The following GPR155 variants were observed in gnomAD, a reference collection of about 807,000 sequenced individuals.
The protein encoded by GPR155 is G protein-coupled receptor 155, also known as lysosomal cholesterol signaling protein.
Under a neutral mutation model 93.1 loss-of-function variants are expected in GPR155, and 65 were observed. The observed-to-expected ratio is 0.70, with a 90% CI of 0.57 to 0.86. The LOEUF (loss-of-function observed/expected upper bound fraction) is 0.86, where lower values mean the gene tolerates loss of function less well. Among genes scored for constraint, GPR155 ranks in the 40% least tolerant of loss-of-function variants. The probability of loss-of-function intolerance (pLI) is 0.00; values close to 1 mark genes in which losing one functional copy is unlikely to be tolerated. For synonymous variants in GPR155, 319 were observed against 360.1 expected (o/e 0.89, Z 1.29); for missense variants, 838 against 1,034.8 (o/e 0.81, Z 2.61).
chr2:174,483,570 C>A (rs1688390800), intron 1 of GPR155, among the ~76,000 whole-genome samples: 1 of 151,990 alleles, frequency 6.6e-6, no homozygotes, highest in South Asian at 2.1e-4. Context: ...ATTAAAATGA[C>A]GACAATTGCC....
rs114670533 is a variant in GPR155 at position 174,473,037 on chromosome 2, G to A, written c.788C>T (p.Thr263Met). The change falls in exon 3 of 16, where the codon ACG (threonine) becomes ATG (methionine). Residue 263 changes from threonine to methionine, a missense_variant. This residue lies in a region of GPR155 where 663 missense variants were observed against 790.1 expected (regional missense o/e 0.84). Transcript: ENST00000392552. ...CAGTCTCTTTATTTTTCCCACCATC[G>A]TGAGACCAAGATAAAATAGGGCTGA... Reference protein sequence around the residue: ...SGSALFYLGLTMVGKIKRLKK... With the variant: ...SGSALFYLGLMMVGKIKRLKK... 696 of 1,595,428 alleles carry A rather than the reference G, an allele frequency of 4.4e-4. 1 individual carries two copies. In the African/African-American group the frequency reaches 7.7e-3, roughly 18 times the overall value.
At chr2:174,483,044 C>A (rs1256662732) in intron 1 of GPR155, 1 of 152,184 alleles carries the variant, frequency 6.6e-6, no homozygotes, top group Non-Finnish European at 1.5e-5. Flanking sequence ...CACACACTGG[C>A]CCCAGGGACT....
At chr2:174,436,876 C>T (rs895332680) in intron 15 of GPR155, among the ~76,000 whole-genome samples, 1 of 152,128 alleles carries the variant, frequency 6.6e-6, no homozygotes, top group African/African-American at 2.4e-5. Flanking sequence ...TTTTTAGCTC[C>T]ATATACATCA....
At chr2:174,455,678 T>C (rs1487250118) in intron 10 of GPR155, among the ~76,000 whole-genome samples, 1 of 152,146 alleles carries the variant, frequency 6.6e-6, no homozygotes, top group African/African-American at 2.4e-5. Flanking sequence ...ACGCCCTGAA[T>C]GGCTAATTCA....
chr2:174,450,357 A>C (rs775908122), intron 11 of GPR155, among the ~76,000 whole-genome samples: 1 of 152,060 alleles, frequency 6.6e-6, no homozygotes, highest in Non-Finnish European at 1.5e-5. Flanking sequence ...GGGCTAAAAA[A>C]CTACTGGGTA....
chr2:174,451,195 TC>T (rs1414477382), intron 11 of GPR155, among the ~76,000 whole-genome samples: 1 of 151,846 alleles, frequency 6.6e-6, no homozygotes, highest in East Asian at 1.9e-4. Context: ...GTGCCTGTAA[TC>T]CCAGCTACTT....
intron 2 of GPR155, among the ~76,000 whole-genome samples, chr2:174,480,209 C>T (rs925835309): frequency 1.3e-5 from 2 of 152,144 alleles, no homozygotes; most frequent in African/African-American, 4.8e-5. Context: ...ACCACCCTAC[C>T]TCAAATAGCA....
At chr2:174,484,742 C>A (rs1038980020) in intron 1 of GPR155, among the ~76,000 whole-genome samples, 2 of 152,160 alleles carry the variant, frequency 1.3e-5, no homozygotes, top group Non-Finnish European at 1.5e-5. Context: ...ACCAGCCTGG[C>A]CAACATGGCA....
At chr2:174,471,460 C>A (rs1687996565) in intron 3 of GPR155, among the ~76,000 whole-genome samples, 5 of 73,510 alleles carry the variant, frequency 6.8e-5, no homozygotes, top group South Asian at 6.8e-4. Flanking sequence ...AGTAGCTCTT[C>A]ATCTTTGTAA....
rs1019890675 is a variant in GPR155, at chr2:174,434,770, T to C, written c.*1346A>G. On this transcript the variant is annotated 3_prime_UTR_variant, in exon 16 of 16. Transcript: ENST00000392552. ...ACAGGCATGCACTACCACACCTGGGTATTCTTTTTTCTTTTTCTTTTTCTT... is the reference window on the plus strand; with the variant it reads ...ACAGGCATGCACTACCACACCTGGGCATTCTTTTTTCTTTTTCTTTTTCTT... 6.8e-6 allele frequency: 1 copy of C among 146,588 alleles called. No individual in the cohort carries two copies. Among genetic ancestry groups the C allele is most frequent in the Admixed American group, 6.9e-5 (1 of 14,396 alleles). 9.1% of individuals were successfully genotyped at this position (146,588 alleles called of 1,614,324 possible). A position where few individuals can be genotyped will look rare whatever the true frequency, so the allele number is the denominator to read the frequency against.
rs1688324570 is a variant in GPR155, at chr2:174,481,656, A to G, written c.301T>C (p.Ser101Pro). The G allele has an allele frequency of 6.2e-7, 1 of 1,613,868 alleles. No homozygotes were observed. Among genetic ancestry groups the G allele is most frequent in the Non-Finnish European group, 8.5e-7 (1 of 1,179,862 alleles). The change falls in exon 2 of 16, where the codon TCC becomes CCC. Residue 101 changes from serine (S) to proline (P), a missense_variant. Around this residue, in one of 3 missense-constraint regions of GPR155, gnomAD observed 663 missense variants for 790.1 expected, o/e 0.84. Coordinates refer to ENST00000392552, the MANE Select transcript of GPR155 (RefSeq NM_152529.7). Reference protein sequence around the residue: ...VVLNFSNVDWSFLYSILIAKA... With the variant: ...VVLNFSNVDWPFLYSILIAKA... ...GCAATTAAGATACTATATAGGAAGG[A>G]CCAGTCCACATTGGAAAAATTAAGT...
At chr2:174,450,621 C>T (rs1036201591) in intron 11 of GPR155, among the ~76,000 whole-genome samples, 3 of 152,202 alleles carry the variant, frequency 2.0e-5, no homozygotes, top group African/African-American at 7.2e-5. Flanking sequence ...GGACTTTTCA[C>T]AGGAAGCCTT....
Position 174,435,685 on chromosome 2 carries a change from G to C in GPR155, c.*431C>G, listed in dbSNP as rs1189752118. ...GACGGGGTTTCGCCATGTTGGCCAG[G>C]CTGGTCTTGAACTCCTGACCTCAGG... is the stretch of plus-strand genomic sequence containing the variant. On this transcript the variant is annotated 3_prime_UTR_variant, in exon 16 of 16. Coordinates refer to ENST00000392552, the MANE Select transcript of GPR155 (RefSeq NM_152529.7). 2 of 154,026 alleles carry C rather than the reference G, an allele frequency of 1.3e-5. No homozygotes were observed. The allele number at this position is 154,026 out of a possible 1,614,324, so 9.5% of individuals were successfully genotyped here.
chr2:174,441,363 T>A (rs188337545), intron 14 of GPR155, among the ~76,000 whole-genome samples: 5 of 151,928 alleles, frequency 3.3e-5, no homozygotes, highest in African/African-American at 1.2e-4. Flanking sequence ...AAGCCTAGGA[T>A]AGGGGCATCA....
intron 9 of GPR155, 143 bp downstream of exon 9, chr2:174,461,259 C>T (rs1574718435): frequency 3.3e-6 from 2 of 598,868 alleles, no homozygotes; most frequent in East Asian, 2.7e-5. Context: ...CTAGATGAGA[C>T]AAAGTGATAT....
intron 11 of GPR155, among the ~76,000 whole-genome samples, chr2:174,447,307 ACT>A (rs1436308320): frequency 1.3e-5 from 2 of 149,494 alleles, no homozygotes; most frequent in Non-Finnish European, 3.0e-5. Context: ...ACAGAGTAAG[ACT>A]CTGTCTCAAA....
intron 7 of GPR155, among the ~76,000 whole-genome samples, chr2:174,464,703 G>A (rs1687791220): frequency 6.6e-6 from 1 of 151,612 alleles, no homozygotes; most frequent in East Asian, 1.9e-4. Context: ...CATCAAGTTG[G>A]TCCATCGATA....
In GPR155 at chr2:174,481,597, T is replaced by C. The variant is rs535820457; in HGVS notation, c.360A>G (p.Leu120=). The C allele has an allele frequency of 1.2e-6, 2 of 1,613,564 alleles. No individual in the cohort carries two copies. The highest frequency in any genetic ancestry group is 2.7e-5 in the African/African-American group (2 of 75,054). ...TATCAGGACTGGCAACCAATAAGGT[T>C]AATACACATACAATGAAAAATACAG... ...KASVFFIVCV[L]TLLVASPDSR... is the part of the protein sequence containing the mutation. The change falls in exon 2 of 16, where the codon TTA becomes TTG. Residue 120 remains leucine, a synonymous_variant. Transcript: ENST00000392552.
In GPR155 at chr2:174,435,072, A is replaced by G. The variant is rs1366009929; in HGVS notation, c.*1044T>C. 6.6e-6 allele frequency: 1 copy of G among 152,230 alleles called. No homozygotes were observed. Among genetic ancestry groups the G allele is most frequent in the Non-Finnish European group, 1.5e-5 (1 of 68,040 alleles). 9.4% of individuals were successfully genotyped at this position (152,230 alleles called of 1,614,324 possible). ...AATTTAAGGTCCATCTCCTGCTAGTAATACACTTGCCAAATTTGATAATTT... is the reference window on the plus strand; with the variant it reads ...AATTTAAGGTCCATCTCCTGCTAGTGATACACTTGCCAAATTTGATAATTT... On this transcript the variant is annotated 3_prime_UTR_variant, in exon 16 of 16. Coordinates refer to ENST00000392552, the MANE Select transcript of GPR155 (RefSeq NM_152529.7).
Sources: gnomAD v4.1 joint callset for allele counts (sites outside exome capture counted in the v4.1 genomes callset) on GRCh38, gnomAD v4.1.1 for gene constraint, gnomAD v4.1.1 regional missense constraint, MANE v1.5 for transcripts, NCBI Gene and HGNC (gene_info 2026-07-23, HGNC 2026-07-21) for gene names.